The following TNRC6B variants were observed in gnomAD, a reference collection of about 807,000 sequenced individuals.
TNRC6B encodes the protein trinucleotide repeat-containing gene 6B protein.
Under a neutral mutation model 203.6 loss-of-function variants are expected in TNRC6B, and 52 were observed. That is an observed-to-expected ratio of 0.26 (90% CI 0.20 to 0.32). The LOEUF is 0.32. TNRC6B is among the 10% of genes least tolerant of loss of function. The pLI is 1.00. For missense variants in TNRC6B, 1,923 were observed against 2,286.2 expected (o/e 0.84, Z 3.24); for synonymous variants, 838 against 845.7 (o/e 0.99, Z 0.16).
chr22:40,234,792 T>G (rs1369984120), intron 1 of TNRC6B, among the ~76,000 whole-genome samples: 1 of 152,234 alleles, frequency 6.6e-6, no homozygotes, highest in Admixed American at 6.5e-5. Flanking sequence ...TATGCCCTAG[T>G]GCTATTTGGC....
chr22:40,165,805 A>G (rs1269919294), intron 4 of TNRC6B, among the ~76,000 whole-genome samples: 1 of 152,136 alleles, frequency 6.6e-6, no homozygotes, highest in Non-Finnish European at 1.5e-5. Flanking sequence ...ACTCACTATC[A>G]CAAGAACAGC....
At chr22:40,170,294 T>C (rs887493406) in intron 4 of TNRC6B, among the ~76,000 whole-genome samples, 9 of 122,998 alleles carry the variant, frequency 7.3e-5, no homozygotes, top group Non-Finnish European at 1.3e-4. Flanking sequence ...GAAAAAAATA[T>C]ATATATATAA....
chr22:40,113,174 T>G (rs1395087642), intron 1 of TNRC6B, among the ~76,000 whole-genome samples: 1 of 152,042 alleles, frequency 6.6e-6, no homozygotes, highest in Non-Finnish European at 1.5e-5. Flanking sequence ...GAACAGATTT[T>G]AAGGTTAAAG....
intron 1 of TNRC6B, among the ~76,000 whole-genome samples, chr22:40,184,491 GA>G (rs2069175945): frequency 6.6e-6 from 1 of 152,234 alleles, no homozygotes; most frequent in African/African-American, 2.4e-5. Context: ...ACCAGATGCA[GA>G]AGAGTGTATA....
intron 1 of TNRC6B, among the ~76,000 whole-genome samples, chr22:40,230,467 T>G (rs1056912714): frequency 1.3e-5 from 2 of 151,942 alleles, no homozygotes; most frequent in African/African-American, 4.8e-5. Context: ...AATTTTTGTT[T>G]TTTTAGTAAC....
chr22:40,232,000 T>C (rs572048410), intron 1 of TNRC6B, among the ~76,000 whole-genome samples: 38 of 152,350 alleles, frequency 2.5e-4, no homozygotes, highest in African/African-American at 9.1e-4. Context: ...CTGGAAAATA[T>C]AGTTCCAGGC....
chr22:40,303,852 A>G (rs2071056568), intron 15 of TNRC6B, among the ~76,000 whole-genome samples: 1 of 152,232 alleles, frequency 6.6e-6, no homozygotes, highest in African/African-American at 2.4e-5. Context: ...CAGAGGTTGC[A>G]GTGAGCTGAG....
At chr22:40,049,756 A>T (rs1460283231) in intron 1 of TNRC6B, among the ~76,000 whole-genome samples, 1 of 152,024 alleles carries the variant, frequency 6.6e-6, no homozygotes, top group African/African-American at 2.4e-5. Context: ...GGCGCACACC[A>T]CCAAATCTGG....
chr22:40,094,770 A>C (rs2068174914), intron 1 of TNRC6B, among the ~76,000 whole-genome samples: 1 of 152,224 alleles, frequency 6.6e-6, no homozygotes, highest in South Asian at 2.1e-4. Context: ...TGATAAACAG[A>C]AGTTTAATAT....
chr22:40,254,113 T>G (rs1303358980), intron 3 of TNRC6B, among the ~76,000 whole-genome samples: 1 of 151,984 alleles, frequency 6.6e-6, no homozygotes, highest in Admixed American at 6.6e-5. Context: ...AGATTTCAAG[T>G]GGAGGTTATG....
At chr22:40,253,194 G>A (rs1184583786) in intron 3 of TNRC6B, among the ~76,000 whole-genome samples, 5 of 149,280 alleles carry the variant, frequency 3.3e-5, no homozygotes, top group African/African-American at 1.2e-4. Context: ...CCATTCTCCT[G>A]CATCAGCCTC....
In TNRC6B at chr22:40,265,309, C is replaced by T; in HGVS notation, c.1079C>T (p.Ser360Phe). 1 of 1,613,988 alleles carries T rather than the reference C, an allele frequency of 6.2e-7. No homozygotes were observed. The highest frequency in any genetic ancestry group is 8.5e-7 in the Non-Finnish European group (1 of 1,179,886). The change falls in exon 5 of 23, where the codon TCT (serine) becomes TTT (phenylalanine). Residue 360 changes from serine to phenylalanine, a missense_variant. This residue lies in a region of TNRC6B where 614 missense variants were observed against 587.7 expected (regional missense o/e 1.04). Transcript: ENST00000454349. ...MENAGVNFVV[S>F]GREQAQIHNT... ...AATGCGGGTGTTAATTTTGTTGTCT[C>T]TGGCAGAGAACAGGCTCAAATTCAT...
intron 1 of TNRC6B, among the ~76,000 whole-genome samples, chr22:40,202,687 C>T (rs1009952348): frequency 1.3e-5 from 2 of 152,104 alleles, no homozygotes; most frequent in African/African-American, 4.8e-5. Flanking sequence ...GTGTCCCTGG[C>T]CACAGGGATC....
intron 2 of TNRC6B, among the ~76,000 whole-genome samples, chr22:40,248,096 TAGA>T (rs1373107358): frequency 6.6e-6 from 1 of 150,862 alleles, no homozygotes; most frequent in African/African-American, 2.4e-5. Flanking sequence ...AAAAAAACCA[TAGA>T]AGTCAGATAA....
intron 22 of TNRC6B, 161 bp downstream of exon 22, chr22:40,321,390 C>T (rs1026322574): frequency 9.8e-5 from 81 of 828,038 alleles, no homozygotes; most frequent in Admixed American, 6.9e-4. Flanking sequence ...GTGGAGGTGC[C>T]GGGTCTTTTC....
chr22:40,130,671 C>G (rs1013741124), intron 3 of TNRC6B, among the ~76,000 whole-genome samples: 3 of 147,280 alleles, frequency 2.0e-5, no homozygotes, highest in African/African-American at 7.9e-5. Context: ...CCTGTAGTCC[C>G]CCGCGGGAGG....
intron 2 of TNRC6B, among the ~76,000 whole-genome samples, chr22:40,250,870 G>C (rs2070181607): frequency 6.7e-6 from 1 of 150,362 alleles, no homozygotes; most frequent in Non-Finnish European, 1.5e-5. Context: ...TTTTTCTCTA[G>C]TCATAGCATT....
At chr22:40,256,333 T>C (rs991148033) in intron 3 of TNRC6B, among the ~76,000 whole-genome samples, 1 of 152,230 alleles carries the variant, frequency 6.6e-6, no homozygotes, top group Non-Finnish European at 1.5e-5. Flanking sequence ...GACCCTATTG[T>C]CACATTGATT....
At position 40,110,922 on chromosome 22, in the gene TNRC6B, A is replaced by G. The variant is rs555399733; in HGVS notation, c.-120-6133A>G. 1.8e-4 allele frequency among the ~76,000 whole-genome samples: 28 copies of G among 152,336 alleles called. No individual in the cohort carries two copies. The South Asian group carries it at 5.6e-3, about 30-fold the overall frequency. ...ATAAAAATGTGTGTGTTTATTCCACAATAATTTATTGGGAACGTCCTTTGT... is the reference window on the plus strand; with the variant it reads ...ATAAAAATGTGTGTGTTTATTCCACGATAATTTATTGGGAACGTCCTTTGT... On this transcript the variant is annotated intron_variant, in intron 1 of 23. Coordinates refer to the TNRC6B transcript ENST00000301923.
Sources: gnomAD v4.1 joint callset for allele counts (sites outside exome capture counted in the v4.1 genomes callset) on GRCh38, gnomAD v4.1.1 for gene constraint, gnomAD v4.1.1 regional missense constraint, MANE v1.5 for transcripts, NCBI Gene and HGNC (gene_info 2026-07-23, HGNC 2026-07-21) for gene names.